PRDM1: variants seen among roughly 807,000 people sequenced by gnomAD.
PRDM1 encodes the protein PR/SET domain 1, also known as PR domain zinc finger protein 1.
Under a neutral mutation model 62.8 loss-of-function variants are expected in PRDM1, and 13 were observed. The observed-to-expected ratio is 0.21, with a 90% CI of 0.13 to 0.33. PRDM1 has a LOEUF of 0.33. Ranked by LOEUF, PRDM1 falls within the 10% of genes least tolerant of loss-of-function variation. PRDM1 has a pLI of 1.00. For missense variants in PRDM1, 895 were observed against 1,058.8 expected (o/e 0.85, Z 2.15); for synonymous variants, 396 against 417.6 (o/e 0.95, Z 0.63).
chr6:106,105,885 C>T lies in PRDM1; in HGVS notation c.1725C>T (p.Tyr575=), dbSNP rs141401315. The T allele has an allele frequency of 7.4e-6, 12 of 1,613,884 alleles. No individual in the cohort carries two copies. Among genetic ancestry groups the T allele is most frequent in the East Asian group, 2.2e-5 (1 of 44,890 alleles). The change falls in exon 5 of 7, where the codon TAC becomes TAT. Residue 575 remains tyrosine (Y), a synonymous_variant. Transcript: ENST00000369096. ...AGAAGCAGAACGGCAAGATCAAGTA[C>T]GAATGCAACGTTTGCGCCAAGACTT... ...PLKKQNGKIK[Y]ECNVCAKTFG... is the part of the protein sequence containing the mutation.
At chr6:106,058,863 C>T (rs1015422995) in intron 1 of PRDM1, among the ~76,000 whole-genome samples, 3 of 152,236 alleles carry the variant, frequency 2.0e-5, no homozygotes, top group Admixed American at 1.3e-4. Context: ...AGCCACTGCG[C>T]CTGGCCACCA....
intron 1 of PRDM1, among the ~76,000 whole-genome samples, chr6:106,032,666 C>T (rs1772861555): frequency 6.6e-6 from 1 of 151,956 alleles, no homozygotes; most frequent in Non-Finnish European, 1.5e-5. Context: ...TGATCTTGAT[C>T]TCTTGACCTT....
intron 1 of PRDM1, among the ~76,000 whole-genome samples, chr6:106,036,775 C>T (rs1201970168): frequency 6.6e-6 from 1 of 152,080 alleles, no homozygotes; most frequent in Non-Finnish European, 1.5e-5. Context: ...GCCTGGCCAA[C>T]CTGGTGAAAC....
chr6:106,045,976 C>T (rs1020066000), upstream of PRDM1: 8 of 152,144 alleles, frequency 5.3e-5, no homozygotes, highest in African/African-American at 1.9e-4. Flanking sequence ...TACACTGTCA[C>T]ACTTGGCGCC....
At chr6:106,088,068 C>G (rs964803645) in intron 1 of PRDM1, 133 bp from the exon 2 acceptor site, 25 of 971,930 alleles carry the variant, frequency 2.6e-5, no homozygotes, top group Non-Finnish European at 2.9e-5. Context: ...CTTCTTGGCT[C>G]TTTCTCAACT....
At chr6:106,017,316 G>A (rs1246107671) in intron 1 of PRDM1, among the ~76,000 whole-genome samples, 1 of 152,190 alleles carries the variant, frequency 6.6e-6, no homozygotes, top group Non-Finnish European at 1.5e-5. Context: ...TTAGTTTTAA[G>A]TTAAAACATA....
intron 1 of PRDM1, among the ~76,000 whole-genome samples, chr6:106,006,674 C>T (rs746076694): frequency 6.6e-6 from 1 of 151,902 alleles, no homozygotes; most frequent in Non-Finnish European, 1.5e-5. Flanking sequence ...GTACACATAA[C>T]GAAGAAATTA....
rs573525560 is a variant in PRDM1 at position 106,108,433 on chromosome 6, C to T, written c.*947C>T. On this transcript the variant is annotated 3_prime_UTR_variant, in exon 7 of 7. Coordinates refer to ENST00000369096, the MANE Select transcript of PRDM1 (RefSeq NM_001198.4). ...AAAATGCCATGTTTTAAAACCACTG[C>T]GAAAATTTCCCCAAAGCATAGGTGG... The T allele has an allele frequency of 1.3e-5, 3 of 229,812 alleles. No homozygotes were observed. The highest frequency in any genetic ancestry group is 6.1e-5 in the East Asian group (1 of 16,512). The allele number at this position is 229,812 out of a possible 1,614,324, so 14.2% of individuals were successfully genotyped here. A position where few individuals can be genotyped will look rare whatever the true frequency, so the allele number is the denominator to read the frequency against.
intron 1 of PRDM1, among the ~76,000 whole-genome samples, chr6:106,025,540 G>C (rs1040773542): frequency 6.6e-6 from 1 of 152,098 alleles, no homozygotes; most frequent in Non-Finnish European, 1.5e-5. Context: ...ACCCAGATTT[G>C]GAATAGTCAA....
Position 106,107,570 on chromosome 6 carries a change from CCAGCTCTGCAAAGCTCTCTCGA to C in PRDM1, c.*89_*110del. ...TGTAGGAAGTGGCTTGTACATAATC[CCAGCTCTGCAAAGCTCTCTCGA>C]CAGCAAATGGTTTCCCCTCACCTCT... On this transcript the variant is annotated 3_prime_UTR_variant, in exon 7 of 7. Coordinates refer to ENST00000369096, the MANE Select transcript of PRDM1 (RefSeq NM_001198.4). 1 of 1,244,782 alleles carries C rather than the reference CCAGCTCTGCAAAGCTCTCTCGA, an allele frequency of 8.0e-7. No homozygotes were observed. 77.1% of individuals were successfully genotyped at this position (1,244,782 alleles called of 1,614,324 possible).
chr6:106,045,777 G>C (rs1417924955), upstream of PRDM1: 1 of 152,174 alleles, frequency 6.6e-6, no homozygotes, highest in Non-Finnish European at 1.5e-5. Context: ...CTGATTGGGG[G>C]TGCGGGGGAA....
intron 1 of PRDM1, among the ~76,000 whole-genome samples, chr6:106,079,153 C>T (rs879317358): frequency 2.6e-5 from 4 of 151,798 alleles, no homozygotes; most frequent in Non-Finnish European, 4.4e-5. Context: ...TTAGTAGAGA[C>T]GGGGTTTCAC....
intron 1 of PRDM1, among the ~76,000 whole-genome samples, chr6:106,018,653 C>CT (rs200420153): frequency 0.042 from 6,382 of 151,442 alleles, 153 homozygotes; most frequent in Non-Finnish European, 0.057. Flanking sequence ...TGAAATATGT[C>CT]TTTTTTTTTA....
chr6:106,104,399 T>A (rs376684920), intron 4 of PRDM1, among the ~76,000 whole-genome samples: 32 of 152,160 alleles, frequency 2.1e-4, no homozygotes, highest in Non-Finnish European at 4.3e-4. Flanking sequence ...TTAGTAGAGA[T>A]GGGGTTTCTC....
In PRDM1 at chr6:105,993,703, CAA is replaced by C. The variant is rs1319291180; in HGVS notation, c.-67+67_-67+68del. On this transcript the variant is annotated intron_variant, in intron 1 of 6. Transcript: ENST00000652320. Reference sequence around the variant, plus strand: ...TTTTCAAAGAATCAAGGGTAGGGGACAAAATACATTTGGGCTAGGATTTTAGT... The same window carrying C: ...TTTTCAAAGAATCAAGGGTAGGGGACAATACATTTGGGCTAGGATTTTAGT... Among the ~76,000 whole-genome samples, 3 of 152,118 alleles carry C rather than the reference CAA, an allele frequency of 2.0e-5. No homozygotes were observed. In the East Asian group the frequency reaches 5.8e-4, roughly 29 times the overall value.
intron 1 of PRDM1, among the ~76,000 whole-genome samples, chr6:106,064,749 A>G (rs1432344492): frequency 3.3e-5 from 5 of 152,198 alleles, no homozygotes; most frequent in Non-Finnish European, 5.9e-5. Context: ...AATTAAAGCT[A>G]GCATTGATCA....
rs781256663 is a variant in PRDM1, at chr6:106,088,213, T to C, written c.55T>C (p.Cys19Arg). 6.2e-7 allele frequency: 1 copy of C among 1,610,990 alleles called. No homozygotes were observed. The highest frequency in any genetic ancestry group is 1.1e-5 in the South Asian group (1 of 90,720). Reference protein sequence around the residue: ...RVGTTLAAPKCNSSTVRFQGL... With the variant: ...RVGTTLAAPKRNSSTVRFQGL... ...CTTTCTCTTCCAGGCTGCCCCCAAG[T>C]GTAACTCCAGCACTGTGAGGTTTCA... The change falls in exon 2 of 7, where the codon TGT becomes CGT. Residue 19 changes from cysteine (C) to arginine (R), a missense_variant. Physicochemically the swap from Cys to Arg is radical, Grantham distance 180. Coordinates refer to ENST00000369096, the MANE Select transcript of PRDM1 (RefSeq NM_001198.4).
chr6:106,054,757 T>C (rs4311543), intron 1 of PRDM1, among the ~76,000 whole-genome samples: 86,056 of 152,072 alleles, frequency 0.57, 24,844 homozygotes, highest in East Asian at 0.8. Flanking sequence ...ACAATAGCTA[T>C]ACTTTTTAAG....
intron 1 of PRDM1, among the ~76,000 whole-genome samples, chr6:106,029,110 G>A (rs35399672): frequency 0.014 from 2,078 of 151,978 alleles, 31 homozygotes; most frequent in Non-Finnish European, 0.02. Flanking sequence ...TAGTAGAGAC[G>A]GGGTTTCATC....
Sources: gnomAD v4.1 joint callset for allele counts (sites outside exome capture counted in the v4.1 genomes callset) on GRCh38, gnomAD v4.1.1 for gene constraint, MANE v1.5 for transcripts, NCBI Gene and HGNC (gene_info 2026-07-23, HGNC 2026-07-21) for gene names.